Variants in EBF3 observed in about 807,000 individuals in gnomAD.
EBF3 encodes the protein transcription factor COE3.
Under a neutral mutation model 77.1 loss-of-function variants are expected in EBF3, and 18 were observed. The ratio of observed to expected loss-of-function variants is 0.23; its 90% CI spans 0.16 to 0.35. The LOEUF (loss-of-function observed/expected upper bound fraction) is 0.35, where lower values mean the gene tolerates loss of function less well. Among genes scored for constraint, EBF3 ranks in the 10% least tolerant of loss-of-function variants. The pLI, the probability that EBF3 is intolerant of heterozygous loss-of-function variation, is 1.00. For missense variants in EBF3, 558 were observed against 860.0 expected (o/e 0.65, Z 4.39); for synonymous variants, 350 against 343.5 (o/e 1.02, Z -0.21).
intron 6 of EBF3, among the ~76,000 whole-genome samples, chr10:129,907,872 G>A (rs961778084): frequency 9.2e-5 from 14 of 152,048 alleles, no homozygotes; most frequent in East Asian, 3.9e-4. Flanking sequence ...TAGATGAGAC[G>A]GAGGCATTTA....
rs1353800186 is a variant in EBF3, at chr10:129,870,759, A to G, written c.781+2693T>C. Among the ~76,000 whole-genome samples, 1 of 151,344 alleles carries G rather than the reference A, an allele frequency of 6.6e-6. No homozygotes were observed. The highest frequency in any genetic ancestry group is 1.5e-5 in the Non-Finnish European group (1 of 67,864). On this transcript the variant is annotated intron_variant, in intron 8 of 16. Coordinates refer to ENST00000440978, the MANE Select transcript of EBF3 (RefSeq NM_001375380.1). This position sits in a 1 kb window ranked among gnomAD's most constrained non-coding sequence, Gnocchi z 4.4. ...AACGGGAGCGTGACTCAACTTGGAA[A>G]CCCGTGTTGGAGACCCATATCTTTG...
intron 10 of EBF3, among the ~76,000 whole-genome samples, chr10:129,854,988 T>C (rs1851150617): frequency 6.6e-6 from 1 of 152,136 alleles, no homozygotes; most frequent in Non-Finnish European, 1.5e-5. Context: ...CTCACAGAAA[T>C]GACAGTGGCT....
chr10:129,878,856 T>G lies in EBF3; in HGVS notation c.555-1007A>C, dbSNP rs1266318476. Among the ~76,000 whole-genome samples the G allele has an allele frequency of 3.2e-5, 4 of 126,730 alleles. No individual in the cohort carries two copies. In the East Asian group the frequency reaches 8.6e-4, roughly 27 times the overall value. 83.1% of individuals were successfully genotyped at this position (126,730 alleles called of 152,430 possible). On this transcript the variant is annotated intron_variant, in intron 6 of 16. Transcript: ENST00000440978. ...AAAAAAAAAAAAAAAATCTAAGAACTGATTGGGAGGCATATTGTTTTAACC... is the reference window on the plus strand; with the variant it reads ...AAAAAAAAAAAAAAAATCTAAGAACGGATTGGGAGGCATATTGTTTTAACC...
intron 10 of EBF3, among the ~76,000 whole-genome samples, chr10:129,860,143 C>T (rs1851516466): frequency 6.6e-6 from 1 of 152,170 alleles, no homozygotes; most frequent in South Asian, 2.1e-4. Context: ...TCTTCTCCCA[C>T]AGTCCCACAC....
intron 6 of EBF3, among the ~76,000 whole-genome samples, chr10:129,915,064 C>T (rs1855783972): frequency 6.6e-6 from 1 of 152,208 alleles, no homozygotes; most frequent in African/African-American, 2.4e-5. Flanking sequence ...CTGCTCCTCA[C>T]TGTGTGAAGA....
chr10:129,914,631 AG>A (rs1268026638), intron 6 of EBF3, among the ~76,000 whole-genome samples: 1 of 152,180 alleles, frequency 6.6e-6, no homozygotes, highest in Non-Finnish European at 1.5e-5. Flanking sequence ...CCTGGGCAGC[AG>A]GGGCCACGGG....
chr10:129,865,299 G>A (rs1454401434), intron 10 of EBF3, among the ~76,000 whole-genome samples: 1 of 152,216 alleles, frequency 6.6e-6, no homozygotes, highest in Non-Finnish European at 1.5e-5. Context: ...TTGTTGAAGT[G>A]TATATAAGTG....
intron 8 of EBF3, among the ~76,000 whole-genome samples, chr10:129,872,912 C>G (rs1480248238): frequency 6.6e-6 from 1 of 152,058 alleles, no homozygotes; most frequent in Non-Finnish European, 1.5e-5. Context: ...AATAAGAAGT[C>G]AATCAATTGA....
chr10:129,882,845 G>A (rs184619741), intron 6 of EBF3, among the ~76,000 whole-genome samples: 1 of 152,142 alleles, frequency 6.6e-6, no homozygotes, highest in Non-Finnish European at 1.5e-5. Flanking sequence ...AGCAAGTGTT[G>A]GGTAATTAAT....
chr10:129,928,331 T>C (rs1745710761), intron 6 of EBF3, among the ~76,000 whole-genome samples: 3 of 152,220 alleles, frequency 2.0e-5, no homozygotes. Context: ...CAATTATTAG[T>C]CTGATTATTT....
intron 4 of EBF3, among the ~76,000 whole-genome samples, chr10:129,959,485 A>C (rs1437563987): frequency 6.6e-6 from 1 of 151,954 alleles, no homozygotes; most frequent in Non-Finnish European, 1.5e-5. Context: ...GAGGCTAAAG[A>C]AGCAGGGAAG....
At chr10:129,959,401 C>G (rs1036463450) in intron 4 of EBF3, among the ~76,000 whole-genome samples, 1 of 152,124 alleles carries the variant, frequency 6.6e-6, no homozygotes, top group Non-Finnish European at 1.5e-5. Context: ...GCGCCGCCGC[C>G]AGGCCGCGTC....
chr10:129,960,178 C>T (rs956003850), intron 4 of EBF3, among the ~76,000 whole-genome samples: 1 of 152,194 alleles, frequency 6.6e-6, no homozygotes, highest in Admixed American at 6.5e-5. Flanking sequence ...AAGTTCCCTG[C>T]ATAAAATTCC....
At chr10:129,857,912 C>G (rs7907355) in intron 10 of EBF3, among the ~76,000 whole-genome samples, 2 of 152,192 alleles carry the variant, frequency 1.3e-5, no homozygotes, top group Non-Finnish European at 2.9e-5. Flanking sequence ...TTCCACAGCA[C>G]GCCACACCTT....
At chr10:129,859,974 A>C (rs1851505362) in intron 10 of EBF3, among the ~76,000 whole-genome samples, 1 of 152,214 alleles carries the variant, frequency 6.6e-6, no homozygotes, top group Non-Finnish European at 1.5e-5. Flanking sequence ...CAGGTCCTCT[A>C]CCGACATGTT....
At chr10:129,843,277 G>C (rs538289418) in intron 11 of EBF3, 75 bp from the exon 12 acceptor site, 1 of 1,484,146 alleles carries the variant, frequency 6.7e-7, no homozygotes, top group Non-Finnish European at 9.2e-7. Context: ...TACCAGTTCC[G>C]TCTGCGGGTG....
chr10:129,884,001 G>A (rs1174801219), intron 6 of EBF3, among the ~76,000 whole-genome samples: 1 of 152,218 alleles, frequency 6.6e-6, no homozygotes, highest in Non-Finnish European at 1.5e-5. Flanking sequence ...GCCCTCATGG[G>A]GGCCGGTGGC....
At chr10:129,890,194 T>A (rs1853924285) in intron 6 of EBF3, among the ~76,000 whole-genome samples, 1 of 152,182 alleles carries the variant, frequency 6.6e-6, no homozygotes, top group Admixed American at 6.5e-5. Context: ...GCGAGTGGTG[T>A]CATCTTGCAG....
intron 6 of EBF3, among the ~76,000 whole-genome samples, chr10:129,916,897 C>T (rs973281603): frequency 6.6e-6 from 1 of 152,132 alleles, no homozygotes; most frequent in Non-Finnish European, 1.5e-5. Flanking sequence ...GGCATTCCTG[C>T]AGGGGTGGGA....
Sources: allele counts gnomAD v4.1 joint callset (sites outside exome capture counted in the v4.1 genomes callset), GRCh38; gene constraint gnomAD v4.1.1; non-coding constraint Gnocchi (gnomAD v3.1); transcripts MANE v1.5; gene names NCBI Gene and HGNC (gene_info 2026-07-23, HGNC 2026-07-21).